CENPE: variants seen among roughly 807,000 people sequenced by gnomAD.
CENPE encodes the protein centromere-associated protein E.
In CENPE, 145 loss-of-function variants were observed where a neutral mutation model predicts 336.1. The ratio of observed to expected loss-of-function variants is 0.43; its 90% CI spans 0.38 to 0.50. The LOEUF (loss-of-function observed/expected upper bound fraction) is 0.50. Among genes scored for constraint, CENPE ranks in the 20% least tolerant of loss-of-function variants. CENPE has a pLI of 0.00. For synonymous variants in CENPE, 1,013 were observed against 984.8 expected (o/e 1.03, Z -0.54); for missense variants, 2,719 against 3,023.3 (o/e 0.90, Z 2.36).
At chr4:103,163,104 G>A (rs764017031) in intron 18 of CENPE, 33 bp downstream of exon 18, 10 of 1,577,746 alleles carry the variant, frequency 6.3e-6, no homozygotes, top group South Asian at 1.1e-5. Context: ...ATATATTTAT[G>A]TGATTACACA....
intron 13 of CENPE, among the ~76,000 whole-genome samples, chr4:103,178,039 C>CT (rs201491418): frequency 0.16 from 21,831 of 134,694 alleles, 2,040 homozygotes; most frequent in Non-Finnish European, 0.21. Flanking sequence ...TGTTGCATGA[C>CT]TTTTTTTTTT....
At chr4:103,127,110 A>AC (rs1560603999) in intron 42 of CENPE, among the ~76,000 whole-genome samples, 2 of 150,930 alleles carry the variant, frequency 1.3e-5, no homozygotes, top group East Asian at 1.9e-4. Context: ...AAAAAAAAAA[A>AC]AACCAAAAAA....
intron 21 of CENPE, 130 bp from the exon 22 acceptor site, chr4:103,159,454 C>T: frequency 1.9e-6 from 1 of 539,122 alleles, no homozygotes; most frequent in Admixed American, 3.8e-5. Context: ...TGTGGAAAGG[C>T]AATATAGTAG....
chr4:103,112,043 C>T (rs1037970525), intron 46 of CENPE, among the ~76,000 whole-genome samples: 3 of 151,672 alleles, frequency 2.0e-5, no homozygotes, highest in Non-Finnish European at 4.4e-5. Flanking sequence ...ACACTTATTA[C>T]ATGAGCTCTA....
rs199590863 is a variant in CENPE, at chr4:103,145,049, C to T, written c.4857+1G>A. Reference sequence around the variant, plus strand: ...AAAAAAAAAATAAGATGGGAACTTACTTTAGCTACAATTTCTTTAGTGTTT... The same window carrying T: ...AAAAAAAAAATAAGATGGGAACTTATTTTAGCTACAATTTCTTTAGTGTTT... On this transcript the variant is annotated splice_donor_variant, in intron 32 of 48. Transcript: ENST00000265148. LOFTEE classifies it high-confidence loss of function. 2.4e-5 allele frequency: 35 copies of T among 1,484,956 alleles called. No individual in the cohort carries two copies. The highest frequency in any genetic ancestry group is 3.1e-5 in the Non-Finnish European group (35 of 1,119,840). 92.0% of individuals were successfully genotyped at this position (1,484,956 alleles called of 1,614,324 possible). A position where few individuals can be genotyped will look rare whatever the true frequency, so the allele number is the denominator to read the frequency against.
At chr4:103,163,621 AAAAAG>A in intron 16 of CENPE, 68 bp from the exon 17 acceptor site, 8 of 748,088 alleles carry the variant, frequency 1.1e-5, no homozygotes, top group Non-Finnish European at 1.4e-5. Context: ...AAAAAAAAAA[AAAAAG>A]AAAAAGAAAA....
chr4:103,164,720 A>G (rs1754762543), intron 16 of CENPE, among the ~76,000 whole-genome samples: 1 of 152,116 alleles, frequency 6.6e-6, no homozygotes, highest in Non-Finnish European at 1.5e-5. Flanking sequence ...TCTTTTTTAT[A>G]TACTATGTCA....
chr4:103,145,117 CTT>C lies in CENPE; in HGVS notation c.4788_4789del (p.Arg1597SerfsTer17), dbSNP rs771858272. On this transcript the variant is annotated frameshift_variant, in exon 32 of 49. Transcript: ENST00000265148. LOFTEE classifies it high-confidence loss of function. ...CTCTATCTGAAGGGCCTCCTGTACTCTTTTCATTTCCTCTTTTTCCTTAATCA... is the reference window on the plus strand; with the variant it reads ...CTCTATCTGAAGGGCCTCCTGTACTCTTCATTTCCTCTTTTTCCTTAATCA... 6.2e-7 allele frequency: 1 copy of C among 1,609,108 alleles called. No individual in the cohort carries two copies. The highest frequency in any genetic ancestry group is 1.1e-5 in the South Asian group (1 of 90,330).
chr4:103,151,164 C>CAA, intron 26 of CENPE, 55 bp downstream of exon 26: 5 of 1,494,458 alleles, frequency 3.3e-6, no homozygotes, highest in Admixed American at 2.3e-5. Context: ...TAAAAATTAC[C>CAA]AAAAAAAAAG....
At chr4:103,170,116 C>T (rs1755271113) in intron 16 of CENPE, among the ~76,000 whole-genome samples, 1 of 152,040 alleles carries the variant, frequency 6.6e-6, no homozygotes, top group African/African-American at 2.4e-5. Context: ...GGGAACATCA[C>T]ACACTGGGGC....
At chr4:103,130,116 T>C in intron 42 of CENPE, among the ~76,000 whole-genome samples, 1 of 152,158 alleles carries the variant, frequency 6.6e-6, no homozygotes, top group East Asian at 1.9e-4. Context: ...GGCAAGGATG[T>C]CCCCTCTCAC....
chr4:103,174,960 T>C (rs1755734031), intron 15 of CENPE, 57 bp from the exon 16 acceptor site: 2 of 1,094,504 alleles, frequency 1.8e-6, no homozygotes, highest in Non-Finnish European at 2.5e-6. Flanking sequence ...TTTTGTTTCC[T>C]TAATAAAATT....
chr4:103,121,130 C>A (rs574807270), intron 43 of CENPE, among the ~76,000 whole-genome samples: 1 of 152,158 alleles, frequency 6.6e-6, no homozygotes, highest in Non-Finnish European at 1.5e-5. Flanking sequence ...CCCCAGTTGA[C>A]CCTGAAGCGA....
chr4:103,143,746 A>G (rs973750255), intron 33 of CENPE, among the ~76,000 whole-genome samples: 3 of 152,134 alleles, frequency 2.0e-5, no homozygotes. Flanking sequence ...GTGTTATTTC[A>G]TTATTGCAAC....
rs563083964 is a variant in CENPE at position 103,195,098 on chromosome 4, T to G, written c.477+16A>C. 2.6e-6 allele frequency: 4 copies of G among 1,564,740 alleles called. No homozygotes were observed. The South Asian group carries it at 4.9e-5, about 19-fold the overall frequency. On this transcript the variant is annotated intron_variant, in intron 5 of 48. Coordinates refer to ENST00000265148, the MANE Select transcript of CENPE (RefSeq NM_001813.3). ...AAGTCAGTCAATTTTAAAGCTCCCTTAAGTCTGCTACTCACATTGACATCT... is the reference window on the plus strand; with the variant it reads ...AAGTCAGTCAATTTTAAAGCTCCCTGAAGTCTGCTACTCACATTGACATCT...
rs183739026 is a variant in CENPE at position 103,146,251 on chromosome 4, A to G, written c.4135-144T>C. On this transcript the variant is annotated intron_variant, in intron 29 of 48. Transcript: ENST00000265148. ...AATCTCTCCATTCTCCCACTCTTCC[A>G]TTATTCAGGCATTTAATGCTTTTTA... The G allele has an allele frequency of 2.7e-4, 197 of 735,658 alleles. 1 individual carries two copies. The African/African-American group carries it at 3.1e-3, about 12-fold the overall frequency. The allele number at this position is 735,658 out of a possible 1,614,324, so 45.6% of individuals were successfully genotyped here.
rs1752505359 is a variant in CENPE at position 103,140,937 on chromosome 4, A to G, written c.5631T>C (p.Leu1877=). The G allele has an allele frequency of 6.2e-7, 1 of 1,612,628 alleles. No homozygotes were observed. The highest frequency in any genetic ancestry group is 8.5e-7 in the Non-Finnish European group (1 of 1,179,048). ...ATTTCATTTCTTCAAGGTTTTCATG[A>G]AGTTTCTGAGCCAAATTTAAATTCT... ...EIENLNLAQK[L]HENLEEMKSV... The change falls in exon 36 of 49, where the codon CTT becomes CTC. Residue 1877 remains leucine (L), a synonymous_variant. Transcript: ENST00000265148.
chr4:103,188,681 G>C (rs2126040205), intron 8 of CENPE, among the ~76,000 whole-genome samples: 1 of 152,234 alleles, frequency 6.6e-6, no homozygotes, highest in Middle Eastern at 3.4e-3. Flanking sequence ...ACGCCCACAA[G>C]AGAAAGCAGG....
chr4:103,112,372 CAT>C (rs1749532619), intron 46 of CENPE, among the ~76,000 whole-genome samples: 1 of 145,976 alleles, frequency 6.9e-6, no homozygotes, highest in Admixed American at 7.0e-5. Context: ...AGTATATACA[CAT>C]ATATACATGT....
Sources: allele counts gnomAD v4.1 joint callset (sites outside exome capture counted in the v4.1 genomes callset), GRCh38; gene constraint gnomAD v4.1.1; transcripts MANE v1.5; gene names NCBI Gene and HGNC (gene_info 2026-07-23, HGNC 2026-07-21).